The following CDIN1 variants were observed in gnomAD, a reference collection of about 807,000 sequenced individuals.
CDIN1 encodes the protein CDAN1-interacting nuclease 1.
A neutral mutation model predicts 45.3 loss-of-function variants in CDIN1; 33 were observed. The observed-to-expected ratio is 0.73, with a 90% CI of 0.55 to 0.97. The LOEUF (loss-of-function observed/expected upper bound fraction) is 0.97. Ranked by LOEUF, CDIN1 falls within the 50% of genes least tolerant of loss-of-function variation. CDIN1 has a pLI of 0.00. For missense variants in CDIN1, 303 were observed against 339.4 expected, an observed-to-expected ratio of 0.89 and a Z score of 0.84; for synonymous variants, 118 against 124.4, an observed-to-expected ratio of 0.95 and a Z score of 0.34.
chr15:36,697,999 C>T (rs778877832), intron 8 of CDIN1, among the ~76,000 whole-genome samples: 4 of 152,130 alleles, frequency 2.6e-5, no homozygotes, highest in Non-Finnish European at 1.5e-5. Flanking sequence ...ATAAAGCACT[C>T]TACAATGAAT....
At chr15:36,634,676 T>G (rs2039821455) in intron 1 of CDIN1, among the ~76,000 whole-genome samples, 2 of 152,222 alleles carry the variant, frequency 1.3e-5, no homozygotes, top group Admixed American at 1.3e-4. Context: ...AGGGTTTGTT[T>G]GTTGTATTCC....
chr15:36,683,555 A>T (rs1271633481), intron 5 of CDIN1, among the ~76,000 whole-genome samples: 1 of 27,722 alleles, frequency 3.6e-5, no homozygotes, highest in African/African-American at 1.5e-4. Flanking sequence ...TGACTTGGCG[A>T]TGTGGGCTCT....
At chr15:36,801,186 G>T (rs923288547) in intron 10 of CDIN1, among the ~76,000 whole-genome samples, 4 of 151,478 alleles carry the variant, frequency 2.6e-5, no homozygotes, top group African/African-American at 9.7e-5. Flanking sequence ...GAGAATCCTT[G>T]TTTATGCAAT....
In CDIN1 at chr15:36,795,575, A is replaced by C. The variant is rs116272372; in HGVS notation, c.717-12749A>C. Among the ~76,000 whole-genome samples the C allele has an allele frequency of 5.1e-3, 772 of 152,320 alleles. 7 individuals are homozygous for C. Among genetic ancestry groups the C allele is most frequent in the African/African-American group, 0.017 (725 of 41,556 alleles). On this transcript the variant is annotated intron_variant, in intron 10 of 10. Coordinates refer to ENST00000566621, the MANE Select transcript of CDIN1 (RefSeq NM_001321759.2). Reference sequence around the variant, plus strand: ...GCACAGCAGTGTCATGTTATTAACAACAGAAACTTATATTTAAATAACATT... The same window carrying C: ...GCACAGCAGTGTCATGTTATTAACACCAGAAACTTATATTTAAATAACATT...
intron 1 of CDIN1, among the ~76,000 whole-genome samples, chr15:36,630,761 A>G (rs1395858621): frequency 3.9e-5 from 6 of 152,122 alleles, no homozygotes; most frequent in Non-Finnish European, 1.5e-5. Context: ...GGAAGCTTCT[A>G]TTCATGGTGG....
chr15:36,762,213 CCT>C (rs1176263912), intron 10 of CDIN1, among the ~76,000 whole-genome samples: 1 of 152,090 alleles, frequency 6.6e-6, no homozygotes, highest in Non-Finnish European at 1.5e-5. Context: ...CTTCTTTTTC[CCT>C]CTGTTTCTAA....
At chr15:36,797,979 C>CAAAAAAAAAAAAAAAAAAAA (rs570630838) in intron 10 of CDIN1, among the ~76,000 whole-genome samples, 39 of 55,284 alleles carry the variant, frequency 7.1e-4, no homozygotes, top group African/African-American at 2.6e-3. Flanking sequence ...GACTCCATCT[C>CAAAAAAAAAAAAAAAAAAAA]AAAAAAAAAA....
At chr15:36,638,153 CTT>C (rs912195572) in intron 1 of CDIN1, among the ~76,000 whole-genome samples, 110 of 152,006 alleles carry the variant, frequency 7.2e-4, no homozygotes, top group African/African-American at 2.5e-3. Context: ...ATGTTAGTAT[CTT>C]ATATAATGAA....
At chr15:36,744,932 G>A (rs1440629307) in intron 10 of CDIN1, among the ~76,000 whole-genome samples, 1 of 152,186 alleles carries the variant, frequency 6.6e-6, no homozygotes, top group East Asian at 1.9e-4. Flanking sequence ...AGAAGCAGCT[G>A]AGTACCTGTA....
intron 1 of CDIN1, chr15:36,613,583 G>C: frequency 6.8e-7 from 1 of 1,479,010 alleles, no homozygotes; most frequent in Non-Finnish European, 9.4e-7. Flanking sequence ...AGTTGAGGGA[G>C]AAAGGCGGGC....
chr15:36,622,115 T>G (rs1348073376), intron 1 of CDIN1, among the ~76,000 whole-genome samples: 1 of 152,242 alleles, frequency 6.6e-6, no homozygotes, highest in African/African-American at 2.4e-5. Flanking sequence ...GTAAAGTGTT[T>G]GTTTCTTTCA....
chr15:36,725,038 C>T (rs1399769406), intron 10 of CDIN1, among the ~76,000 whole-genome samples: 1 of 152,080 alleles, frequency 6.6e-6, no homozygotes, highest in African/African-American at 2.4e-5. Context: ...ATCGGCAGCC[C>T]AAACATAAAG....
chr15:36,691,860 C>A, intron 6 of CDIN1, 96 bp downstream of exon 6: 2 of 1,016,672 alleles, frequency 2.0e-6, no homozygotes, highest in Non-Finnish European at 3.0e-6. Flanking sequence ...TCATCATAAA[C>A]TATCACTGAG....
chr15:36,650,732 C>T (rs1226697417), intron 3 of CDIN1, among the ~76,000 whole-genome samples: 2 of 152,076 alleles, frequency 1.3e-5, no homozygotes, highest in African/African-American at 2.4e-5. Flanking sequence ...TCTGAGCCAC[C>T]GTGCCCAGCC....
chr15:36,633,256 C>T (rs1295762554), intron 1 of CDIN1, among the ~76,000 whole-genome samples: 3 of 152,046 alleles, frequency 2.0e-5, no homozygotes, highest in East Asian at 1.9e-4. Flanking sequence ...TACTGTTATA[C>T]GTTTTCTTTT....
intron 1 of CDIN1, among the ~76,000 whole-genome samples, chr15:36,583,679 C>T (rs2037151665): frequency 6.6e-6 from 1 of 152,220 alleles, no homozygotes; most frequent in African/African-American, 2.4e-5. Context: ...GAATTAAGTT[C>T]CTATAGCATA....
chr15:36,612,730 A>G (rs1012914882), intron 1 of CDIN1, among the ~76,000 whole-genome samples: 1 of 152,150 alleles, frequency 6.6e-6, no homozygotes, highest in Non-Finnish European at 1.5e-5. Flanking sequence ...ATTTCCTGCA[A>G]TGACTAGTCT....
intron 1 of CDIN1, among the ~76,000 whole-genome samples, chr15:36,609,766 G>T (rs1479916909): frequency 6.6e-6 from 1 of 152,172 alleles, no homozygotes; most frequent in Non-Finnish European, 1.5e-5. Context: ...ATGGCCCTGG[G>T]CAAGTCACTT....
At chr15:36,669,761 T>G (rs2041378721) in intron 5 of CDIN1, among the ~76,000 whole-genome samples, 1 of 152,086 alleles carries the variant, frequency 6.6e-6, no homozygotes, top group South Asian at 2.1e-4. Flanking sequence ...CATAATGCCT[T>G]CAATTTGGAT....
Sources: gnomAD v4.1 joint callset for allele counts (sites outside exome capture counted in the v4.1 genomes callset) on GRCh38, gnomAD v4.1.1 for gene constraint, MANE v1.5 for transcripts, NCBI Gene and HGNC (gene_info 2026-07-23, HGNC 2026-07-21) for gene names.